RTN4: variants seen among roughly 807,000 people sequenced by gnomAD.
RTN4 encodes the protein reticulon-4.
In RTN4, 32 loss-of-function variants were observed where a neutral mutation model predicts 90.4. The observed-to-expected ratio is 0.35, with a 90% CI of 0.27 to 0.48. The LOEUF (loss-of-function observed/expected upper bound fraction) is 0.48, where lower values mean the gene tolerates loss of function less well. RTN4 is among the 20% of genes least tolerant of loss of function. The pLI, the probability that RTN4 is intolerant of heterozygous loss-of-function variation, is 0.99. For synonymous variants in RTN4, 629 were observed against 552.5 expected (o/e 1.14, Z -1.94); for missense variants, 1,706 against 1,430.2 (o/e 1.19, Z -3.11).
Position 55,080,981 on chromosome 2 carries a change from A to T in RTN4, c.-213-342T>A, listed in dbSNP as rs894180972. Reference sequence around the variant, plus strand: ...GGAAGGAAATGACATTATACTTTTTAAAAAATATTCAGAGCTCTCAAAAGG... The same window carrying T: ...GGAAGGAAATGACATTATACTTTTTTAAAAATATTCAGAGCTCTCAAAAGG... On this transcript the variant is annotated intron_variant, in intron 1 of 3. Transcript: ENST00000427710. Among the ~76,000 whole-genome samples, 16 of 152,348 alleles carry T rather than the reference A, an allele frequency of 1.1e-4. 1 individual carries two copies. The South Asian group carries it at 3.3e-3, about 32-fold the overall frequency.
At chr2:55,112,369 T>G (rs1352210874) in intron 1 of RTN4, among the ~76,000 whole-genome samples, 1 of 152,240 alleles carries the variant, frequency 6.6e-6, no homozygotes, top group Non-Finnish European at 1.5e-5. Flanking sequence ...AAGTGGTGAT[T>G]AAGCAAGGCT....
chr2:55,069,282 T>G (rs77420279), intron 2 of RTN4, among the ~76,000 whole-genome samples: 9,923 of 152,266 alleles, frequency 0.065, 991 homozygotes, highest in African/African-American at 0.22. Context: ...GTTCTAACCT[T>G]TATCAGTGAG....
intron 8 of RTN4, 116 bp downstream of exon 8, chr2:54,973,447 C>T: frequency 1.2e-6 from 1 of 863,576 alleles, no homozygotes; most frequent in African/African-American, 1.7e-5. Flanking sequence ...ACTCTGAAGT[C>T]ACACTTAAGG....
At chr2:55,113,533 G>C (rs72795491), upstream of RTN4, among the ~76,000 whole-genome samples, 1 of 152,140 alleles carries the variant, frequency 6.6e-6, no homozygotes, top group Non-Finnish European at 1.5e-5. Context: ...TAGTTGCTCT[G>C]GGGGAGAAGT....
At chr2:54,984,579 T>TCCCC (rs1486873015) in intron 4 of RTN4, among the ~76,000 whole-genome samples, 1 of 152,196 alleles carries the variant, frequency 6.6e-6, no homozygotes, top group Non-Finnish European at 1.5e-5. Flanking sequence ...AAGACAGTAC[T>TCCCC]CCCCATCAAT....
chr2:55,020,043 TGAAGA>T (rs1486056715), intron 3 of RTN4, among the ~76,000 whole-genome samples: 2 of 152,042 alleles, frequency 1.3e-5, no homozygotes, highest in Non-Finnish European at 2.9e-5. Flanking sequence ...TGAAAGAAAT[TGAAGA>T]GGATACAAAC....
chr2:55,074,606 T>C (rs1197670883), intron 2 of RTN4, among the ~76,000 whole-genome samples: 2 of 146,822 alleles, frequency 1.4e-5, no homozygotes, highest in Non-Finnish European at 3.0e-5. Flanking sequence ...AATATCAAAA[T>C]GAAGAAAGGA....
intron 6 of RTN4, chr2:54,974,191 C>T: frequency 3.6e-6 from 1 of 276,102 alleles, no homozygotes; most frequent in Non-Finnish European, 6.9e-6. Flanking sequence ...TGGTTTATCA[C>T]TGTTTGTTAG....
At chr2:54,990,186 T>C (rs994951719) in intron 3 of RTN4, among the ~76,000 whole-genome samples, 4 of 152,264 alleles carry the variant, frequency 2.6e-5, no homozygotes, top group East Asian at 3.8e-4. Context: ...AGTTTCTAGA[T>C]AGAAAGGAGA....
At chr2:55,067,574 A>T (rs2105012304) in intron 2 of RTN4, among the ~76,000 whole-genome samples, 1 of 152,014 alleles carries the variant, frequency 6.6e-6, no homozygotes, top group South Asian at 2.1e-4. Flanking sequence ...CACCACACCG[A>T]GCTAATTTTT....
intron 1 of RTN4, among the ~76,000 whole-genome samples, chr2:55,081,473 C>A (rs1447016713): frequency 3.3e-5 from 5 of 152,036 alleles, no homozygotes; most frequent in Admixed American, 3.3e-4. Flanking sequence ...TTATTCATAC[C>A]TAAATATATA....
At chr2:55,127,870 T>G in the RTN4 span, among the ~76,000 whole-genome samples, 2 of 151,928 alleles carry the variant, frequency 1.3e-5, no homozygotes, top group Non-Finnish European at 2.9e-5. Flanking sequence ...CTTGTAATGA[T>G]AAATGCTTTT....
intron 1 of RTN4, among the ~76,000 whole-genome samples, chr2:55,037,216 G>C (rs1012449856): frequency 6.6e-6 from 1 of 152,174 alleles, no homozygotes; most frequent in Non-Finnish European, 1.5e-5. Flanking sequence ...ACACTGCTGA[G>C]AGAAATTACA....
intron 1 of RTN4, among the ~76,000 whole-genome samples, chr2:55,112,129 T>G (rs1022977573): frequency 1.3e-5 from 2 of 152,262 alleles, no homozygotes; most frequent in Admixed American, 1.3e-4. Context: ...AGGCCCCCTG[T>G]GGGGGAGCGT....
intron 4 of RTN4, among the ~76,000 whole-genome samples, chr2:54,983,202 G>A (rs1051036716): frequency 6.6e-6 from 1 of 151,632 alleles, no homozygotes; most frequent in African/African-American, 2.4e-5. Flanking sequence ...GCACCAGATT[G>A]TAAAGTGGCT....
At chr2:55,087,326 C>A (rs1177849958) in intron 1 of RTN4, among the ~76,000 whole-genome samples, 1 of 152,190 alleles carries the variant, frequency 6.6e-6, no homozygotes, top group Non-Finnish European at 1.5e-5. Flanking sequence ...ATTTGTACAA[C>A]CACTAGCAGT....
In RTN4 at chr2:54,973,505, T is replaced by C. The variant is rs575073600; in HGVS notation, c.3536+58A>G. On this transcript the variant is annotated intron_variant, in intron 8 of 8. Coordinates refer to ENST00000337526, the MANE Select transcript of RTN4 (RefSeq NM_020532.5). ...TTATGCCTGCAATATGAAAATACTG[T>C]TCTCACAATCCAGCACACCTTATCC... The C allele has an allele frequency of 4.5e-6, 6 of 1,320,504 alleles. No homozygotes were observed. The East Asian group carries it at 1.2e-4, about 25-fold the overall frequency. The allele number at this position is 1,320,504 out of a possible 1,614,324, so 81.8% of individuals were successfully genotyped here.
chr2:55,079,249 G>A (rs1668658870), intron 2 of RTN4, among the ~76,000 whole-genome samples: 1 of 152,232 alleles, frequency 6.6e-6, no homozygotes, highest in African/African-American at 2.4e-5. Flanking sequence ...CTTTATGGAA[G>A]CAAAAAGTTA....
At chr2:55,094,559 A>G (rs1668998731) in intron 1 of RTN4, among the ~76,000 whole-genome samples, 1 of 152,210 alleles carries the variant, frequency 6.6e-6, no homozygotes, top group South Asian at 2.1e-4. Flanking sequence ...ATAAACAAGT[A>G]AACAGACAAG....
Sources: gnomAD v4.1 joint callset for allele counts (sites outside exome capture counted in the v4.1 genomes callset) on GRCh38, gnomAD v4.1.1 for gene constraint, MANE v1.5 for transcripts, NCBI Gene and HGNC (gene_info 2026-07-23, HGNC 2026-07-21) for gene names.